Variants in LIMA1 observed in about 807,000 individuals in gnomAD.
LIMA1 encodes the protein LIM domain and actin binding 1, also known as LIM domain and actin-binding protein 1.
LIMA1 carries 52 observed loss-of-function variants against 62.6 expected under a neutral mutation model. The ratio of observed to expected loss-of-function variants is 0.83; its 90% CI spans 0.67 to 1.05. The LOEUF is 1.05. Among genes scored for constraint, LIMA1 ranks in the 50% least tolerant of loss-of-function variants. The probability of loss-of-function intolerance (pLI) is 0.00; values close to 1 mark genes in which losing one functional copy is unlikely to be tolerated. For synonymous variants in LIMA1, 302 were observed against 317.8 expected, an observed-to-expected ratio of 0.95 and a Z score of 0.53; for missense variants, 780 against 902.2, an observed-to-expected ratio of 0.86 and a Z score of 1.74.
rs773726345 is a variant in LIMA1 at position 50,260,931 on chromosome 12, A to C, written c.-23-12157T>G. Among the ~76,000 whole-genome samples, 454 of 47,010 alleles carry C rather than the reference A, an allele frequency of 9.7e-3. 5 individuals carry two copies. Among genetic ancestry groups the C allele is most frequent in the Middle Eastern group, 0.027 (3 of 110 alleles). The allele number at this position is 47,010 out of a possible 152,430, so 30.8% of individuals were successfully genotyped here. Reference sequence around the variant, plus strand: ...TTGGGCAAGTTTAATAACTTGCCCCAAAAAAAAAAAAAAAAAAGGAAGTCA... The same window carrying C: ...TTGGGCAAGTTTAATAACTTGCCCCCAAAAAAAAAAAAAAAAAGGAAGTCA... On this transcript the variant is annotated intron_variant, in intron 1 of 10. Coordinates refer to ENST00000341247, the MANE Select transcript of LIMA1 (RefSeq NM_016357.5).
At chr12:50,261,807 C>G (rs969020891) in intron 1 of LIMA1, among the ~76,000 whole-genome samples, 1 of 152,152 alleles carries the variant, frequency 6.6e-6, no homozygotes, top group Non-Finnish European at 1.5e-5. Context: ...GCTGGGATTA[C>G]AGGTGTGAGT....
chr12:50,238,774 TGGTA>T (rs1167546864), intron 2 of LIMA1, among the ~76,000 whole-genome samples: 2 of 149,052 alleles, frequency 1.3e-5, no homozygotes, highest in Non-Finnish European at 3.0e-5. Flanking sequence ...CGCTTGAACC[TGGTA>T]GGTGGAGGTT....
At chr12:50,279,564 C>T (rs1040069854) in intron 1 of LIMA1, among the ~76,000 whole-genome samples, 1 of 151,886 alleles carries the variant, frequency 6.6e-6, no homozygotes, top group Admixed American at 6.6e-5. Context: ...ATGGTGAACC[C>T]GGCATTTAAG....
At chr12:50,231,786 A>T (rs1326488821) in intron 2 of LIMA1, 76 bp from the exon 3 acceptor site, 4 of 1,424,204 alleles carry the variant, frequency 2.8e-6, no homozygotes, top group Non-Finnish European at 3.9e-6. Flanking sequence ...TCTTTTTTTG[A>T]GATGAAGTCT....
intron 1 of LIMA1, among the ~76,000 whole-genome samples, chr12:50,273,049 CAA>C (rs767351049): frequency 1.9e-4 from 21 of 111,988 alleles, no homozygotes; most frequent in African/African-American, 1.3e-4. Context: ...GACTCTGTCT[CAA>C]AAAAAAAAAA....
intron 3 of LIMA1, among the ~76,000 whole-genome samples, chr12:50,226,709 T>G (rs1417512487): frequency 6.6e-6 from 1 of 151,782 alleles, no homozygotes; most frequent in East Asian, 1.9e-4. Flanking sequence ...CGTGGTGGCG[T>G]GCGCCTGTAA....
At chr12:50,206,764 G>C (rs1045140211) in intron 4 of LIMA1, among the ~76,000 whole-genome samples, 1 of 152,108 alleles carries the variant, frequency 6.6e-6, no homozygotes, top group African/African-American at 2.4e-5. Context: ...TATGAAGTCT[G>C]AGTACCTTGC....
intron 3 of LIMA1, among the ~76,000 whole-genome samples, chr12:50,223,164 C>A (rs776509064): frequency 5.3e-5 from 8 of 151,322 alleles, no homozygotes; most frequent in Non-Finnish European, 1.0e-4. Flanking sequence ...CCCTGCTCTT[C>A]TCTACAAGTT....
chr12:50,195,178 A>G (rs1940901634), intron 8 of LIMA1, among the ~76,000 whole-genome samples: 1 of 152,112 alleles, frequency 6.6e-6, no homozygotes, highest in Non-Finnish European at 1.5e-5. Flanking sequence ...ACTCCAGCCT[A>G]GGCAACAGAA....
In LIMA1 at chr12:50,222,802, A is replaced by G. The variant is rs1941470195; in HGVS notation, c.166-317T>C. On this transcript the variant is annotated intron_variant, in intron 3 of 10. Coordinates refer to ENST00000341247, the MANE Select transcript of LIMA1 (RefSeq NM_016357.5). ...TGCGAAACAAGAGATTTTTACCCAA[A>G]GATTAATGGGGAAAAAAACAAGAAA... The G allele has an allele frequency of 5.4e-6, 4 of 745,396 alleles. No homozygotes were observed. In the South Asian group the frequency reaches 1.2e-4, roughly 22 times the overall value. The allele number at this position is 745,396 out of a possible 1,614,324, so 46.2% of individuals were successfully genotyped here.
At chr12:50,201,560 A>G (rs2138471783) in intron 6 of LIMA1, 1 of 977,318 alleles carries the variant, frequency 1.0e-6, no homozygotes, top group African/African-American at 1.8e-5. Flanking sequence ...CTTGCAAAGG[A>G]CACTGGGGTG....
At chr12:50,202,665 C>G (rs1941074887) in intron 6 of LIMA1, among the ~76,000 whole-genome samples, 1 of 152,276 alleles carries the variant, frequency 6.6e-6, no homozygotes, top group African/African-American at 2.4e-5. Context: ...GTTAAAATTA[C>G]AGTTAAAAAA....
At chr12:50,211,216 G>C (rs371022880) in intron 4 of LIMA1, among the ~76,000 whole-genome samples, 39 of 151,724 alleles carry the variant, frequency 2.6e-4, no homozygotes, top group Admixed American at 2.6e-3. Context: ...CCAGCTACTT[G>C]GGAGGCTGAG....
intron 2 of LIMA1, among the ~76,000 whole-genome samples, chr12:50,242,758 C>T (rs761376732): frequency 1.3e-5 from 2 of 152,082 alleles, no homozygotes; most frequent in African/African-American, 2.4e-5. Context: ...CTAACCTTTA[C>T]AAGGGATCAA....
intron 1 of LIMA1, among the ~76,000 whole-genome samples, chr12:50,264,418 G>A (rs1443472387): frequency 6.6e-6 from 1 of 152,132 alleles, no homozygotes; most frequent in Non-Finnish European, 1.5e-5. Context: ...AAAATCATTA[G>A]ACTCGATGAC....
chr12:50,206,155 A>C, intron 4 of LIMA1, 87 bp from the exon 5 acceptor site: 1 of 966,530 alleles, frequency 1.0e-6, no homozygotes, highest in Non-Finnish European at 1.6e-6. Flanking sequence ...CTTTATAAAT[A>C]AAATCCAGAT....
intron 4 of LIMA1, chr12:50,220,377 G>C (rs1941420766): frequency 6.6e-6 from 1 of 152,048 alleles, no homozygotes; most frequent in Non-Finnish European, 1.5e-5. Flanking sequence ...ATCTTATATG[G>C]AAAGTTTTTC....
chr12:50,263,164 C>A (rs1489287172), intron 1 of LIMA1, among the ~76,000 whole-genome samples: 1 of 152,148 alleles, frequency 6.6e-6, no homozygotes, highest in East Asian at 1.9e-4. Flanking sequence ...AGGTCTGTTG[C>A]TGAATTTAAA....
At chr12:50,253,564 A>G (rs1941956551) in intron 1 of LIMA1, among the ~76,000 whole-genome samples, 2 of 152,252 alleles carry the variant, frequency 1.3e-5, no homozygotes, top group Non-Finnish European at 2.9e-5. Flanking sequence ...CACCTAGCTG[A>G]AAACCCATAC....
Sources: allele counts gnomAD v4.1 joint callset (sites outside exome capture counted in the v4.1 genomes callset), GRCh38; gene constraint gnomAD v4.1.1; transcripts MANE v1.5; gene names NCBI Gene and HGNC (gene_info 2026-07-23, HGNC 2026-07-21).